The following ADARB2 variants were observed in gnomAD, a reference collection of about 807,000 sequenced individuals.
The protein encoded by ADARB2 is adenosine deaminase RNA specific B2 (inactive), also known as inactive double-stranded RNA-specific editase B2.
ADARB2 carries 25 observed loss-of-function variants against 62.2 expected under a neutral mutation model. The observed-to-expected ratio is 0.40, with a 90% CI of 0.29 to 0.56. ADARB2 has a LOEUF of 0.56. Among genes scored for constraint, ADARB2 ranks in the 20% least tolerant of loss-of-function variants. ADARB2 has a pLI of 0.43. For missense variants in ADARB2, 1,071 were observed against 1,077.4 expected, an observed-to-expected ratio of 0.99 and a Z score of 0.08; for synonymous variants, 572 against 500.8, an observed-to-expected ratio of 1.14 and a Z score of -1.90.
chr10:1,730,573 C>G (rs1835217706), intron 1 of ADARB2, among the ~76,000 whole-genome samples: 1 of 152,026 alleles, frequency 6.6e-6, no homozygotes, highest in Non-Finnish European at 1.5e-5. Flanking sequence ...AAAATTTCAC[C>G]TCTTAGAGAG....
chr10:1,462,706 T>A (rs1483462798), intron 1 of ADARB2, among the ~76,000 whole-genome samples: 1 of 152,078 alleles, frequency 6.6e-6, no homozygotes, highest in African/African-American at 2.4e-5. Context: ...TGCCTGTGTG[T>A]ATGTGCATGA....
chr10:1,674,027 CAG>C (rs1564364515), intron 1 of ADARB2, among the ~76,000 whole-genome samples: 1 of 152,210 alleles, frequency 6.6e-6, no homozygotes, highest in Non-Finnish European at 1.5e-5. Flanking sequence ...TGTTAATAAT[CAG>C]AGAGAGGTTC....
chr10:1,314,443 TTCCTCCTCCTCC>T (rs147004052), intron 3 of ADARB2, among the ~76,000 whole-genome samples: 3 of 150,600 alleles, frequency 2.0e-5, no homozygotes, highest in African/African-American at 4.9e-5. Flanking sequence ...CAGCCAGTCC[TTCCTCCTCCTCC>T]TCCTCCTCCT....
intron 1 of ADARB2, among the ~76,000 whole-genome samples, chr10:1,586,215 A>AT (rs1463422749): frequency 1.3e-5 from 2 of 152,198 alleles, no homozygotes; most frequent in Admixed American, 1.3e-4. Context: ...CAACCCCCAA[A>AT]TTATTAAAGT....
chr10:1,549,163 G>T (rs1246545625), intron 1 of ADARB2, among the ~76,000 whole-genome samples: 2 of 119,138 alleles, frequency 1.7e-5, no homozygotes, highest in Non-Finnish European at 3.2e-5. Flanking sequence ...TAGCTGGGGG[G>T]TCCCCTCCTC....
At chr10:1,479,990 A>G (rs1264692736) in intron 1 of ADARB2, among the ~76,000 whole-genome samples, 1 of 152,180 alleles carries the variant, frequency 6.6e-6, no homozygotes, top group African/African-American at 2.4e-5. Context: ...AGATGGAAGG[A>G]GCTGTCTTTA....
At chr10:1,544,810 G>A (rs1832493470) in intron 1 of ADARB2, among the ~76,000 whole-genome samples, 2 of 151,932 alleles carry the variant, frequency 1.3e-5, no homozygotes, top group South Asian at 2.1e-4. Context: ...ATAACATGTA[G>A]GGTGTATATG....
At position 1,440,077 on chromosome 10, in the gene ADARB2, G is replaced by T. The variant is rs1225605147; in HGVS notation, c.101-60917C>A. 2.0e-5 allele frequency among the ~76,000 whole-genome samples: 3 copies of T among 150,640 alleles called. No individual in the cohort carries two copies. The East Asian group carries it at 5.9e-4, about 30-fold the overall frequency. On this transcript the variant is annotated intron_variant, in intron 1 of 9. Transcript: ENST00000381312. The stretch of plus-strand genomic sequence containing the variant: ...GATGGAGGCAGGTTCTTCACTATGG[G>T]GCTCCTGAGTCTCCTCAGCAGATGG...
chr10:1,422,550 C>T (rs1008193810), intron 1 of ADARB2, among the ~76,000 whole-genome samples: 3 of 152,120 alleles, frequency 2.0e-5, no homozygotes, highest in Admixed American at 6.5e-5. Context: ...GAGAGGAGCC[C>T]GTAGGTCACA....
chr10:1,730,240 G>A (rs759278010), intron 1 of ADARB2, among the ~76,000 whole-genome samples: 9 of 152,206 alleles, frequency 5.9e-5, no homozygotes, highest in Non-Finnish European at 1.2e-4. Flanking sequence ...TTAAAAAGAC[G>A]TGCAGTGATG....
rs1564353101 is a variant in ADARB2, at chr10:1,633,568, C to CTATCTATCTATCTATCTATCTATCTA, written c.100+103457_100+103482dup. 4.4e-4 allele frequency among the ~76,000 whole-genome samples: 64 copies of CTATCTATCTATCTATCTATCTATCTA among 145,780 alleles called. No individual in the cohort carries two copies. The East Asian group carries it at 7.2e-3, about 16-fold the overall frequency. On this transcript the variant is annotated intron_variant, in intron 1 of 9. Transcript: ENST00000381312. The stretch of plus-strand genomic sequence containing the variant: ...ATCTATCATCTATCTATCTATCTAT[C>CTATCTATCTATCTATCTATCTATCTA]TATCTATCTATCTATCTATCTATCT...
At chr10:1,203,787 G>A (rs1837016477) in intron 7 of ADARB2, among the ~76,000 whole-genome samples, 3 of 152,198 alleles carry the variant, frequency 2.0e-5, no homozygotes, top group South Asian at 4.1e-4. Context: ...TCCCTTGACC[G>A]TTCTCTTGCT....
chr10:1,470,930 G>A (rs1444811979), intron 1 of ADARB2, among the ~76,000 whole-genome samples: 1 of 152,158 alleles, frequency 6.6e-6, no homozygotes, highest in African/African-American at 2.4e-5. Flanking sequence ...ATGGTGGCAG[G>A]TGCCTGTAGT....
At position 1,351,909 on chromosome 10, in the gene ADARB2, T is replaced by G. The variant is rs533456959; in HGVS notation, c.1077+11119A>C. Among the ~76,000 whole-genome samples the G allele has an allele frequency of 6.0e-3, 855 of 142,460 alleles. 110 individuals carry two copies. The highest frequency in any genetic ancestry group is 0.022 in the African/African-American group (769 of 34,684). 93.5% of individuals were successfully genotyped at this position (142,460 alleles called of 152,430 possible). The stretch of plus-strand genomic sequence containing the variant: ...CCAAATTGTTTTGCCTATCCACCCC[T>G]TGGTGCCAAACCCATATACTCTCCT... On this transcript the variant is annotated intron_variant, in intron 3 of 9. Transcript: ENST00000381312.
intron 1 of ADARB2, among the ~76,000 whole-genome samples, chr10:1,476,372 G>C (rs1441627008): frequency 6.6e-6 from 1 of 152,214 alleles, no homozygotes; most frequent in African/African-American, 2.4e-5. Flanking sequence ...GCAGAGCTGG[G>C]CTGAGTGGGA....
intron 2 of ADARB2, among the ~76,000 whole-genome samples, chr10:1,371,243 C>T (rs941525322): frequency 7.2e-5 from 11 of 152,174 alleles, no homozygotes; most frequent in East Asian, 1.9e-4. Flanking sequence ...TATCCATATG[C>T]AGAAGAATGA....
rs556545090 is a variant in ADARB2, at chr10:1,258,975, G to A, written c.1192+11980C>T. 6.6e-5 allele frequency among the ~76,000 whole-genome samples: 10 copies of A among 152,194 alleles called. 1 individual carries two copies. The South Asian group carries it at 2.1e-3, about 32-fold the overall frequency. On this transcript the variant is annotated intron_variant, in intron 4 of 9. Transcript: ENST00000381312. ...TCTGAGACCACAGTGCAATCAAACT[G>A]GAACTCAGGATTAAGAAACTCAGTC...
chr10:1,518,622 C>T (rs1244452575), intron 1 of ADARB2, among the ~76,000 whole-genome samples: 2 of 151,938 alleles, frequency 1.3e-5, no homozygotes, highest in African/African-American at 2.4e-5. Flanking sequence ...TTGTCATACA[C>T]ATGCATTCCG....
intron 1 of ADARB2, among the ~76,000 whole-genome samples, chr10:1,553,737 A>G (rs1832661973): frequency 6.6e-6 from 1 of 152,142 alleles, no homozygotes; most frequent in Non-Finnish European, 1.5e-5. Context: ...GGTTAAGAAT[A>G]AAGAAGGCGT....
Sources: allele counts gnomAD v4.1 joint callset (sites outside exome capture counted in the v4.1 genomes callset), GRCh38; gene constraint gnomAD v4.1.1; transcripts MANE v1.5; gene names NCBI Gene and HGNC (gene_info 2026-07-23, HGNC 2026-07-21).